Variants in SERGEF observed in about 807,000 individuals in gnomAD.
The protein encoded by SERGEF is secretion regulating guanine nucleotide exchange factor, also known as secretion-regulating guanine nucleotide exchange factor.
Under a neutral mutation model 50.0 loss-of-function variants are expected in SERGEF, and 51 were observed. The ratio of observed to expected loss-of-function variants is 1.02; its 90% CI spans 0.81 to 1.29. The LOEUF is 1.29. Among genes scored for constraint, SERGEF ranks in the 50% most tolerant of loss-of-function variants. The pLI, the probability that SERGEF is intolerant of heterozygous loss-of-function variation, is 0.00. For synonymous variants in SERGEF, 205 were observed against 212.4 expected, an observed-to-expected ratio of 0.97 and a Z score of 0.30; for missense variants, 521 against 557.0, an observed-to-expected ratio of 0.94 and a Z score of 0.65.
At chr11:17,972,583 T>G (rs1398865629) in intron 8 of SERGEF, among the ~76,000 whole-genome samples, 1 of 152,236 alleles carries the variant, frequency 6.6e-6, no homozygotes, top group Non-Finnish European at 1.5e-5. Context: ...GTATACAGTA[T>G]AGTATAACAC....
intron 10 of SERGEF, among the ~76,000 whole-genome samples, chr11:17,818,211 A>G (rs1178945071): frequency 6.6e-6 from 1 of 152,184 alleles, no homozygotes; most frequent in African/African-American, 2.4e-5. Context: ...CTCCCAGTGG[A>G]AAGGGCAAAG....
At chr11:17,839,899 T>C (rs937316029) in intron 10 of SERGEF, among the ~76,000 whole-genome samples, 2 of 151,940 alleles carry the variant, frequency 1.3e-5, no homozygotes, top group African/African-American at 2.4e-5. Context: ...CTAGAAGAGG[T>C]GGAGCTGAGA....
rs1181994886 is a variant in SERGEF, at chr11:17,830,641, A to AGAGG, written c.1049-42232_1049-42229dup. Among the ~76,000 whole-genome samples, 225 of 82,122 alleles carry AGAGG rather than the reference A, an allele frequency of 2.7e-3. 3 individuals carry two copies. Among genetic ancestry groups the AGAGG allele is most frequent in the African/African-American group, 7.4e-3 (146 of 19,612 alleles). The allele number at this position is 82,122 out of a possible 152,430, so 53.9% of individuals were successfully genotyped here. A position where few individuals can be genotyped will look rare whatever the true frequency, so the allele number is the denominator to read the frequency against. ...GAGAGAGAGAGGGAAAGGGGGAGGG[A>AGAGG]GAGGGAGGGAGAGAGAGAGAGAGAG... On this transcript the variant is annotated intron_variant, in intron 10 of 10. Transcript: ENST00000265965.
intron 7 of SERGEF, among the ~76,000 whole-genome samples, chr11:17,990,158 G>A (rs1194582382): frequency 2.6e-5 from 4 of 152,148 alleles, no homozygotes; most frequent in Non-Finnish European, 2.9e-5. Flanking sequence ...CCAAAAAACT[G>A]ACAGAAAGTC....
chr11:18,007,144 A>C (rs1430719403), intron 2 of SERGEF, among the ~76,000 whole-genome samples: 1 of 152,244 alleles, frequency 6.6e-6, no homozygotes, highest in Non-Finnish European at 1.5e-5. Flanking sequence ...CTTAATTTTT[A>C]GTTATTTTTA....
chr11:17,807,335 C>T (rs867063571), intron 10 of SERGEF, among the ~76,000 whole-genome samples: 11 of 130,320 alleles, frequency 8.4e-5, no homozygotes, highest in South Asian at 2.7e-4. Flanking sequence ...AACTCCCCCC[C>T]CACAAAAAAA....
intron 8 of SERGEF, among the ~76,000 whole-genome samples, chr11:17,963,396 T>A (rs2531957): frequency 0.011 from 1,021 of 93,782 alleles, 6 homozygotes; most frequent in East Asian, 0.022. Flanking sequence ...AAAAAAAAAA[T>A]TTTTTTTTTG....
At chr11:17,973,295 T>C (rs1452924216) in intron 8 of SERGEF, among the ~76,000 whole-genome samples, 3 of 152,168 alleles carry the variant, frequency 2.0e-5, no homozygotes, top group Non-Finnish European at 4.4e-5. Context: ...AGACAGAACA[T>C]ACACTGGAGC....
intron 10 of SERGEF, among the ~76,000 whole-genome samples, chr11:17,845,675 C>T (rs1850594084): frequency 6.6e-6 from 1 of 152,172 alleles, no homozygotes; most frequent in African/African-American, 2.4e-5. Context: ...GCATTGGATA[C>T]AAATGACTAA....
At position 17,920,204 on chromosome 11, in the gene SERGEF, G is replaced by A. The variant is rs11024432; in HGVS notation, c.1011+39266C>T. Among the ~76,000 whole-genome samples the A allele has an allele frequency of 2.8e-3, 421 of 152,192 alleles. 1 individual carries two copies. The highest frequency in any genetic ancestry group is 7.1e-3 in the East Asian group (37 of 5,176). On this transcript the variant is annotated intron_variant, in intron 9 of 10. Coordinates refer to ENST00000265965, the MANE Select transcript of SERGEF (RefSeq NM_012139.4). ...AGAGATTGCAGTGAACCGAGATTGC[G>A]CCACTGCACTCCAGCCTGGGCAATA...
At chr11:17,926,476 G>A (rs1283999506) in intron 9 of SERGEF, among the ~76,000 whole-genome samples, 8 of 152,156 alleles carry the variant, frequency 5.3e-5, no homozygotes, top group Non-Finnish European at 1.5e-5. Flanking sequence ...GTCCACACCA[G>A]GTGACCTTTA....
chr11:17,859,783 G>T (rs913788509), intron 10 of SERGEF, among the ~76,000 whole-genome samples: 6 of 152,136 alleles, frequency 3.9e-5, no homozygotes, highest in African/African-American at 1.4e-4. Context: ...GGAAATGCAT[G>T]CAAAAGTCAG....
intron 9 of SERGEF, among the ~76,000 whole-genome samples, chr11:17,908,291 G>C (rs1357518521): frequency 6.6e-6 from 1 of 152,038 alleles, no homozygotes; most frequent in Non-Finnish European, 1.5e-5. Context: ...CAGTCATGCT[G>C]AAGTGCTTGC....
chr11:17,813,355 T>C (rs1183602505), intron 10 of SERGEF, among the ~76,000 whole-genome samples: 1 of 152,182 alleles, frequency 6.6e-6, no homozygotes, highest in South Asian at 2.1e-4. Flanking sequence ...TTGCTCATGA[T>C]CATGTGGGGA....
intron 9 of SERGEF, among the ~76,000 whole-genome samples, chr11:17,885,462 C>T (rs1185660090): frequency 3.9e-5 from 6 of 152,072 alleles, no homozygotes; most frequent in Non-Finnish European, 7.4e-5. Context: ...GCGAGGACTA[C>T]AGGTACACAC....
intron 9 of SERGEF, among the ~76,000 whole-genome samples, chr11:17,901,298 G>A (rs1408504190): frequency 6.6e-6 from 1 of 152,162 alleles, no homozygotes; most frequent in African/African-American, 2.4e-5. Flanking sequence ...TCTCTCTGCT[G>A]TTTCTTCTTC....
intron 3 of SERGEF, 85 bp downstream of exon 3, chr11:18,006,506 T>G: frequency 1.5e-6 from 2 of 1,327,890 alleles, no homozygotes; most frequent in Non-Finnish European, 2.1e-6. Context: ...CAAAGAGGCT[T>G]TCATTTAATC....
chr11:17,871,819 A>T (rs1271764625), intron 10 of SERGEF, among the ~76,000 whole-genome samples: 1 of 152,172 alleles, frequency 6.6e-6, no homozygotes, highest in Non-Finnish European at 1.5e-5. Context: ...GCACAAATGG[A>T]ACTCTCATAT....
intron 9 of SERGEF, among the ~76,000 whole-genome samples, chr11:17,914,190 GCTTC>G (rs1852005154): frequency 6.6e-6 from 1 of 152,176 alleles, no homozygotes; most frequent in Non-Finnish European, 1.5e-5. Context: ...CATCTGGAAT[GCTTC>G]CTTCTTGTCC....
Sources: gnomAD v4.1 joint callset for allele counts (sites outside exome capture counted in the v4.1 genomes callset) on GRCh38, gnomAD v4.1.1 for gene constraint, MANE v1.5 for transcripts, NCBI Gene and HGNC (gene_info 2026-07-23, HGNC 2026-07-21) for gene names.